Variants in COP1 observed in about 807,000 individuals in gnomAD.
The protein encoded by COP1 is COP1 E3 ubiquitin ligase, also known as E3 ubiquitin-protein ligase COP1.
COP1 carries 24 observed loss-of-function variants against 101.3 expected under a neutral mutation model. The ratio of observed to expected loss-of-function variants is 0.24; its 90% CI spans 0.17 to 0.33. The LOEUF (loss-of-function observed/expected upper bound fraction) is 0.33, where lower values mean the gene tolerates loss of function less well. Ranked by LOEUF, COP1 falls within the 10% of genes least tolerant of loss-of-function variation. The pLI is 1.00. For missense variants in COP1, 663 were observed against 906.2 expected (o/e 0.73, Z 3.45); for synonymous variants, 347 against 341.9 (o/e 1.01, Z -0.17).
chr1:176,012,385 C>T (rs182013590), intron 15 of COP1, among the ~76,000 whole-genome samples: 142 of 152,226 alleles, frequency 9.3e-4, no homozygotes, highest in Non-Finnish European at 1.5e-3. Flanking sequence ...CTTGACCTCC[C>T]AAAGTGCTGG....
At chr1:176,145,336 A>G (rs529278867) in intron 6 of COP1, among the ~76,000 whole-genome samples, 1 of 152,282 alleles carries the variant, frequency 6.6e-6, no homozygotes, top group African/African-American at 2.4e-5. Flanking sequence ...TGGAAAAAAA[A>G]TCTACTGGTA....
intron 11 of COP1, among the ~76,000 whole-genome samples, chr1:176,052,229 C>T (rs749993542): frequency 3.9e-5 from 6 of 152,156 alleles, no homozygotes; most frequent in Admixed American, 2.0e-4. Context: ...CAGTAACACG[C>T]TATGTAGGTT....
At chr1:176,061,746 T>C (rs988057466) in intron 11 of COP1, among the ~76,000 whole-genome samples, 1 of 152,102 alleles carries the variant, frequency 6.6e-6, no homozygotes, top group African/African-American at 2.4e-5. Context: ...GTTATTACAA[T>C]GATAGAAGAA....
chr1:176,146,323 T>TCTAA (rs1691582033), intron 6 of COP1, among the ~76,000 whole-genome samples: 2 of 152,188 alleles, frequency 1.3e-5, no homozygotes, highest in Admixed American at 6.6e-5. Flanking sequence ...ATAGGCAAGT[T>TCTAA]CTAAGATGGC....
chr1:176,063,145 C>T (rs557480123), intron 11 of COP1, among the ~76,000 whole-genome samples: 93 of 148,332 alleles, frequency 6.3e-4, no homozygotes, highest in Admixed American at 1.0e-3. Flanking sequence ...CTGCAAGCTC[C>T]GCTTCCTGGG....
intron 8 of COP1, among the ~76,000 whole-genome samples, chr1:176,126,512 G>A (rs781649103): frequency 2.0e-5 from 3 of 151,554 alleles, no homozygotes; most frequent in Non-Finnish European, 4.4e-5. Context: ...GCTGGAGTGC[G>A]GTGGCGCAAT....
chr1:176,080,740 C>A (rs909485800), intron 11 of COP1, among the ~76,000 whole-genome samples: 8 of 152,104 alleles, frequency 5.3e-5, no homozygotes, highest in Non-Finnish European at 1.2e-4. Context: ...ACCTGATTAA[C>A]CCTAAATCTC....
At chr1:176,095,310 G>T (rs939899738) in intron 9 of COP1, among the ~76,000 whole-genome samples, 2 of 152,202 alleles carry the variant, frequency 1.3e-5, no homozygotes, top group South Asian at 2.1e-4. Flanking sequence ...TCCCCAAAAT[G>T]TGGCTGAGGA....
intron 5 of COP1, among the ~76,000 whole-genome samples, chr1:176,152,361 G>C (rs1692749254): frequency 3.3e-5 from 5 of 152,032 alleles, no homozygotes; most frequent in Admixed American, 3.3e-4. Flanking sequence ...TCAGGGACTG[G>C]GAGTAATGGA....
At chr1:176,134,875 A>G (rs1415645602) in intron 8 of COP1, 135 bp downstream of exon 8, 1 of 571,402 alleles carries the variant, frequency 1.8e-6, no homozygotes, top group Non-Finnish European at 3.2e-6. Flanking sequence ...GGCCATATGA[A>G]TATCATTTCT....
chr1:176,035,710 C>CAAAAAAAAAAAAAAAAAAAA (rs71129541), intron 14 of COP1, among the ~76,000 whole-genome samples: 1 of 73,100 alleles, frequency 1.4e-5, no homozygotes, highest in Admixed American at 1.5e-4. Flanking sequence ...AAAACGAGAC[C>CAAAAAAAAAAAAAAAAAAAA]AAAAAAAAAA....
chr1:176,051,169 A>G (rs1301789739), intron 11 of COP1, among the ~76,000 whole-genome samples: 1 of 152,200 alleles, frequency 6.6e-6, no homozygotes, highest in Non-Finnish European at 1.5e-5. Context: ...GGAATTCAGG[A>G]GGCAATGATT....
At chr1:176,091,957 GAA>G (rs1409943260) in intron 9 of COP1, among the ~76,000 whole-genome samples, 13 of 151,996 alleles carry the variant, frequency 8.6e-5, no homozygotes. Context: ...AACTAAAAGA[GAA>G]AAAATAGATT....
chr1:176,148,803 G>T (rs1294177189), intron 6 of COP1, among the ~76,000 whole-genome samples: 1 of 151,956 alleles, frequency 6.6e-6, no homozygotes, highest in East Asian at 1.9e-4. Flanking sequence ...TAACTTTTCA[G>T]CACATCTCCA....
chr1:176,170,546 A>C (rs1221356224), intron 3 of COP1, among the ~76,000 whole-genome samples: 4 of 152,152 alleles, frequency 2.6e-5, no homozygotes, highest in Non-Finnish European at 5.9e-5. Context: ...CTTTTTTTCT[A>C]AGCAGTAGGT....
intron 2 of COP1, among the ~76,000 whole-genome samples, chr1:176,179,222 A>C (rs1010366221): frequency 1.3e-5 from 2 of 150,970 alleles, no homozygotes; most frequent in Admixed American, 6.6e-5. Flanking sequence ...CCTGGGGGGC[A>C]GAGGTTGCAG....
intron 15 of COP1, among the ~76,000 whole-genome samples, chr1:175,994,667 A>C (rs1335626237): frequency 2.6e-5 from 4 of 152,250 alleles, no homozygotes; most frequent in Non-Finnish European, 1.5e-5. Flanking sequence ...CATAATGGTA[A>C]AGAAATCAAT....
chr1:176,077,104 C>T (rs1029721702), intron 11 of COP1, among the ~76,000 whole-genome samples: 3 of 152,084 alleles, frequency 2.0e-5, no homozygotes, highest in Non-Finnish European at 4.4e-5. Context: ...CAAGGAGGGG[C>T]TTCTCCCTAA....
intron 1 of COP1, 133 bp downstream of exon 1, chr1:176,206,439 C>G (rs998927649): frequency 9.5e-7 from 1 of 1,049,672 alleles, no homozygotes; most frequent in Non-Finnish European, 1.4e-6. Context: ...TCGATTCCCT[C>G]TGCAGACACC....
Sources: allele counts gnomAD v4.1 joint callset (sites outside exome capture counted in the v4.1 genomes callset), GRCh38; gene constraint gnomAD v4.1.1; transcripts MANE v1.5; gene names NCBI Gene and HGNC (gene_info 2026-07-23, HGNC 2026-07-21).